Variants in KHDRBS2 observed in about 807,000 individuals in gnomAD.
The protein encoded by KHDRBS2 is KH domain-containing, RNA-binding, signal transduction-associated protein 2.
KHDRBS2 carries 26 observed loss-of-function variants against 44.3 expected under a neutral mutation model. That is an observed-to-expected ratio of 0.59 (90% CI 0.43 to 0.81). The LOEUF is 0.81. Ranked by LOEUF, KHDRBS2 falls within the 40% of genes least tolerant of loss-of-function variation. The pLI is 0.00. For synonymous variants in KHDRBS2, 194 were observed against 151.1 expected (o/e 1.28, Z -2.08); for missense variants, 476 against 433.1 (o/e 1.10, Z -0.88).
intron 4 of KHDRBS2, among the ~76,000 whole-genome samples, chr6:61,925,712 G>GCT (rs900762138): frequency 3.4e-5 from 5 of 146,358 alleles, no homozygotes; most frequent in Admixed American, 6.9e-5. Flanking sequence ...ACAGAGTAAG[G>GCT]CTCTCTCTCT....
chr6:62,128,673 T>TC (rs1477665018), intron 2 of KHDRBS2, among the ~76,000 whole-genome samples: 1 of 151,840 alleles, frequency 6.6e-6, no homozygotes. Context: ...GCTTTAATTT[T>TC]TTTTTGTTCA....
At chr6:62,067,809 C>A (rs1271674179) in intron 2 of KHDRBS2, among the ~76,000 whole-genome samples, 1 of 151,554 alleles carries the variant, frequency 6.6e-6, no homozygotes, top group African/African-American at 2.4e-5. Context: ...ACCTAGACTG[C>A]ACATTTTATT....
intron 1 of KHDRBS2, among the ~76,000 whole-genome samples, chr6:62,255,030 A>T (rs913589982): frequency 1.1e-4 from 16 of 152,058 alleles, no homozygotes; most frequent in Non-Finnish European, 1.8e-4. Flanking sequence ...AGTCAAGACC[A>T]TACCTGAGAG....
the KHDRBS2 span, among the ~76,000 whole-genome samples, chr6:61,661,086 G>A: frequency 2.0e-5 from 3 of 151,942 alleles, no homozygotes; most frequent in South Asian, 4.1e-4. Flanking sequence ...CCACTATGCT[G>A]CTACAATGTA....
intron 3 of KHDRBS2, among the ~76,000 whole-genome samples, chr6:62,039,003 T>A (rs1454206891): frequency 6.6e-5 from 10 of 152,046 alleles, no homozygotes; most frequent in Admixed American, 6.6e-4. Context: ...TATTCAATTA[T>A]ATTAGAACAG....
At chr6:61,821,543 T>A (rs1789914337) in intron 6 of KHDRBS2, among the ~76,000 whole-genome samples, 1 of 151,994 alleles carries the variant, frequency 6.6e-6, no homozygotes, top group South Asian at 2.1e-4. Context: ...ATGACACTTC[T>A]AAGATCAACT....
At chr6:61,746,549 T>C (rs1372377089) in intron 6 of KHDRBS2, among the ~76,000 whole-genome samples, 2 of 152,154 alleles carry the variant, frequency 1.3e-5, no homozygotes. Context: ...CTTTATCCAG[T>C]CTTTCATTGA....
At chr6:61,920,011 T>C (rs2127358466) in intron 4 of KHDRBS2, among the ~76,000 whole-genome samples, 1 of 152,078 alleles carries the variant, frequency 6.6e-6, no homozygotes, top group South Asian at 2.1e-4. Flanking sequence ...TGAAGATATA[T>C]GACCCCAAGA....
chr6:62,025,388 C>T (rs896916876), intron 3 of KHDRBS2, among the ~76,000 whole-genome samples: 2 of 151,448 alleles, frequency 1.3e-5, no homozygotes, highest in South Asian at 2.1e-4. Flanking sequence ...ATATTGGTGT[C>T]TTTCTACCTC....
At chr6:61,916,985 T>TG (rs1393546515) in intron 4 of KHDRBS2, among the ~76,000 whole-genome samples, 1 of 150,102 alleles carries the variant, frequency 6.7e-6, no homozygotes, top group Non-Finnish European at 1.5e-5. Flanking sequence ...TTTTTTTTTT[T>TG]TTTTGCTGGT....
chr6:61,892,963 G>A (rs1176966405), intron 6 of KHDRBS2, among the ~76,000 whole-genome samples: 1 of 151,880 alleles, frequency 6.6e-6, no homozygotes, highest in Non-Finnish European at 1.5e-5. Context: ...GAGTGAACAG[G>A]CAACTGACAG....
chr6:61,771,830 A>C (rs1162743626), intron 6 of KHDRBS2, among the ~76,000 whole-genome samples: 1 of 152,192 alleles, frequency 6.6e-6, no homozygotes, highest in African/African-American at 2.4e-5. Context: ...ATCTGCACCG[A>C]GCGGACCTAA....
rs149822443 is a variant in KHDRBS2, at chr6:62,017,538, T to A, written c.336+30340A>T. On this transcript the variant is annotated intron_variant, in intron 3 of 8. Transcript: ENST00000281156. Reference sequence around the variant, plus strand: ...AAACTCTGAAAAAGAAACTATCCTATGAAAAACTCTTAAAAAATGTTGTAT... The same window carrying A: ...AAACTCTGAAAAAGAAACTATCCTAAGAAAAACTCTTAAAAAATGTTGTAT... Among the ~76,000 whole-genome samples, 419 of 152,236 alleles carry A rather than the reference T, an allele frequency of 2.8e-3. 3 individuals are homozygous for A. Among genetic ancestry groups the A allele is most frequent in the African/African-American group, 9.2e-3 (383 of 41,550 alleles).
In KHDRBS2 at chr6:62,260,495, T is replaced by C. The variant is rs200682403; in HGVS notation, c.91+25363A>G. On this transcript the variant is annotated intron_variant, in intron 1 of 8. Coordinates refer to ENST00000281156, the MANE Select transcript of KHDRBS2 (RefSeq NM_152688.4). ...TTAACAATTCCACACTATTTCCAAG[T>C]AGTTACCAACAAGCCTTTGATCTCC... Among the ~76,000 whole-genome samples, 5 of 152,076 alleles carry C rather than the reference T, an allele frequency of 3.3e-5. No homozygotes were observed. The East Asian group carries it at 9.7e-4, about 30-fold the overall frequency.
intron 1 of KHDRBS2, among the ~76,000 whole-genome samples, chr6:62,224,746 A>G (rs1367025527): frequency 1.3e-5 from 2 of 152,230 alleles, no homozygotes; most frequent in Admixed American, 6.5e-5. Context: ...TTAAGTTTCC[A>G]CCATTACTAA....
intron 7 of KHDRBS2, among the ~76,000 whole-genome samples, chr6:61,713,676 G>A (rs1440041542): frequency 6.6e-6 from 1 of 150,844 alleles, no homozygotes; most frequent in Non-Finnish European, 1.5e-5. Flanking sequence ...AACAGCATGG[G>A]ACTTGTATAC....
At chr6:62,119,204 G>A (rs1807019474) in intron 2 of KHDRBS2, among the ~76,000 whole-genome samples, 1 of 152,136 alleles carries the variant, frequency 6.6e-6, no homozygotes, top group Admixed American at 6.5e-5. Flanking sequence ...GGCATAAACT[G>A]TTTAGAGGGA....
intron 2 of KHDRBS2, among the ~76,000 whole-genome samples, chr6:62,075,860 C>G (rs1382656975): frequency 6.6e-6 from 1 of 151,018 alleles, no homozygotes; most frequent in Admixed American, 6.6e-5. Flanking sequence ...TCTGTATATA[C>G]CCTGCTGGTG....
intron 4 of KHDRBS2, among the ~76,000 whole-genome samples, chr6:61,974,063 TTA>T (rs1183620324): frequency 2.0e-5 from 3 of 152,218 alleles, no homozygotes; most frequent in Non-Finnish European, 4.4e-5. Flanking sequence ...TAATTTCTAA[TTA>T]TGAGACAATG....
Sources: allele counts gnomAD v4.1 joint callset (sites outside exome capture counted in the v4.1 genomes callset), GRCh38; gene constraint gnomAD v4.1.1; transcripts MANE v1.5; gene names NCBI Gene and HGNC (gene_info 2026-07-23, HGNC 2026-07-21).